Variants in MTUS2 observed in about 807,000 individuals in gnomAD.
MTUS2 encodes microtubule-associated tumor suppressor candidate 2.
MTUS2 carries 40 observed loss-of-function variants against 114.1 expected under a neutral mutation model. The ratio of observed to expected loss-of-function variants is 0.35; its 90% confidence interval spans 0.27 to 0.46. The LOEUF is 0.46. Among genes scored for constraint, MTUS2 ranks in the 20% least tolerant of loss-of-function variants. The pLI is 1.00. For missense variants in MTUS2, 1,679 were observed against 1,705.4 expected, an observed-to-expected ratio of 0.98 and a Z score of 0.27; for synonymous variants, 688 against 672.0, an observed-to-expected ratio of 1.02 and a Z score of -0.37.
chr13:29,157,498 T>G (rs546137201), intron 5 of MTUS2, among the ~76,000 whole-genome samples: 1 of 152,298 alleles, frequency 6.6e-6, no homozygotes, highest in East Asian at 1.9e-4. Flanking sequence ...GTGTCAACGT[T>G]GACCCATGTT....
At chr13:28,877,264 G>A (rs1250032140) in intron 2 of MTUS2, among the ~76,000 whole-genome samples, 1 of 151,374 alleles carries the variant, frequency 6.6e-6, no homozygotes, top group Non-Finnish European at 1.5e-5. Context: ...CTTGCAGTGA[G>A]GTGAGATCGT....
intron 2 of MTUS2, among the ~76,000 whole-genome samples, chr13:28,853,630 T>A (rs1038735855): frequency 6.6e-6 from 1 of 152,208 alleles, no homozygotes; most frequent in African/African-American, 2.4e-5. Flanking sequence ...ATTTACAAAT[T>A]ACATTATCTA....
chr13:29,105,899 T>TA (rs1205934079), intron 5 of MTUS2, among the ~76,000 whole-genome samples: 1 of 152,120 alleles, frequency 6.6e-6, no homozygotes, highest in Non-Finnish European at 1.5e-5. Context: ...AGATCTTTGG[T>TA]AGGGGAGCGG....
intron 7 of MTUS2, among the ~76,000 whole-genome samples, chr13:29,341,302 C>G (rs1901383536): frequency 6.6e-6 from 1 of 152,098 alleles, no homozygotes. Context: ...ACAACATCCC[C>G]ACCAACATCT....
chr13:29,324,466 G>A (rs907117936), intron 6 of MTUS2, 147 bp from the exon 7 acceptor site: 10 of 614,368 alleles, frequency 1.6e-5, no homozygotes, highest in African/African-American at 9.2e-5. Flanking sequence ...AAGCACAGGG[G>A]GTGGTGACCA....
chr13:28,999,800 A>G, intron 2 of MTUS2, among the ~76,000 whole-genome samples: 1 of 152,214 alleles, frequency 6.6e-6, no homozygotes, highest in East Asian at 1.9e-4. Flanking sequence ...AGCCTCTGGT[A>G]ACCACTATTT....
chr13:29,173,277 C>G (rs557825162), intron 5 of MTUS2, among the ~76,000 whole-genome samples: 1 of 152,258 alleles, frequency 6.6e-6, no homozygotes, highest in East Asian at 1.9e-4. Flanking sequence ...TTGGCAATTT[C>G]AAGTCCCAGG....
At chr13:29,401,912 C>T (rs1048339601) in intron 8 of MTUS2, among the ~76,000 whole-genome samples, 12 of 152,108 alleles carry the variant, frequency 7.9e-5, no homozygotes, top group East Asian at 1.9e-4. Flanking sequence ...TTAATTGCAC[C>T]GGATTTGTAT....
intron 2 of MTUS2, among the ~76,000 whole-genome samples, chr13:28,939,431 A>G (rs1593316304): frequency 6.6e-6 from 1 of 152,146 alleles, no homozygotes; most frequent in Non-Finnish European, 1.5e-5. Context: ...TTTGTGTAGC[A>G]TATGTCTCTG....
intron 8 of MTUS2, among the ~76,000 whole-genome samples, chr13:29,423,984 C>T (rs1876313469): frequency 6.6e-6 from 1 of 151,864 alleles, no homozygotes; most frequent in Non-Finnish European, 1.5e-5. Context: ...CCTGCCTCAG[C>T]CTCCTGAATA....
At position 29,317,659 on chromosome 13, in the gene MTUS2, C is replaced by T. The variant is rs1372285294; in HGVS notation, c.2807-6954C>T. On this transcript the variant is annotated intron_variant, in intron 6 of 15. Coordinates refer to ENST00000612955, the MANE Select transcript of MTUS2 (RefSeq NM_001033602.4). Reference sequence around the variant, plus strand: ...TTCACCTTGTTAGCCAGGATGGTCTCCATCTCCTGACCTCGTGATCCACCC... The same window carrying T: ...TTCACCTTGTTAGCCAGGATGGTCTTCATCTCCTGACCTCGTGATCCACCC... 5.5e-3 allele frequency among the ~76,000 whole-genome samples: 62 copies of T among 11,290 alleles called. 15 individuals carry two copies. The highest frequency in any genetic ancestry group is 9.6e-3 in the African/African-American group (58 of 6,014). 7.4% of individuals were successfully genotyped at this position (11,290 alleles called of 152,430 possible).
intron 2 of MTUS2, among the ~76,000 whole-genome samples, chr13:28,972,384 A>G (rs1883897590): frequency 6.6e-6 from 1 of 152,222 alleles, no homozygotes; most frequent in Non-Finnish European, 1.5e-5. Flanking sequence ...GTCCTTCTGC[A>G]CTGTGTTCGC....
chr13:29,295,456 A>G (rs1044665462), intron 6 of MTUS2, among the ~76,000 whole-genome samples: 3 of 152,038 alleles, frequency 2.0e-5, no homozygotes, highest in African/African-American at 7.2e-5. Context: ...AGTGACCACT[A>G]TTCTACTCTC....
chr13:29,137,124 T>G (rs142234999), intron 5 of MTUS2, among the ~76,000 whole-genome samples: 61 of 152,358 alleles, frequency 4.0e-4, no homozygotes, highest in Middle Eastern at 3.4e-3. Flanking sequence ...TGCATCCTTA[T>G]AAGAACTCTT....
At chr13:29,195,020 T>C (rs2139210383) in intron 5 of MTUS2, among the ~76,000 whole-genome samples, 1 of 141,688 alleles carries the variant, frequency 7.1e-6, no homozygotes, top group East Asian at 2.1e-4. Flanking sequence ...CCACATATTC[T>C]CACTCACAGG....
At chr13:29,173,042 C>A (rs149711879) in intron 5 of MTUS2, among the ~76,000 whole-genome samples, 1,916 of 152,076 alleles carry the variant, frequency 0.013, 25 homozygotes, top group Non-Finnish European at 0.022. Flanking sequence ...CATATAGGCA[C>A]CAAATTCTGA....
intron 8 of MTUS2, among the ~76,000 whole-genome samples, chr13:29,437,978 T>C (rs554538748): frequency 6.6e-6 from 1 of 151,094 alleles, no homozygotes; most frequent in East Asian, 1.9e-4. Context: ...AAGACTGATA[T>C]GCAAATTCTA....
At chr13:29,371,988 ACAC>A (rs1871233997) in intron 8 of MTUS2, among the ~76,000 whole-genome samples, 1 of 24,378 alleles carries the variant, frequency 4.1e-5, no homozygotes, top group Admixed American at 5.3e-4. Flanking sequence ...CCCCCCCCCC[ACAC>A]ACACACACAA....
chr13:28,866,787 G>T (rs1877324237), intron 2 of MTUS2, among the ~76,000 whole-genome samples: 1 of 152,010 alleles, frequency 6.6e-6, no homozygotes, highest in Admixed American at 6.6e-5. Flanking sequence ...TGTATTGTTT[G>T]ATTAAAGGAT....
Sources: gnomAD v4.1 joint callset for allele counts (sites outside exome capture counted in the v4.1 genomes callset) on GRCh38, gnomAD v4.1.1 for gene constraint, MANE v1.5 for transcripts, NCBI Gene and HGNC (gene_info 2026-07-23, HGNC 2026-07-21) for gene names.